The following ETS1 variants were observed in gnomAD, a reference collection of about 807,000 sequenced individuals.
ETS1 encodes ETS proto-oncogene 1, transcription factor.
ETS1 carries 15 observed loss-of-function variants against 58.6 expected under a neutral mutation model. The ratio of observed to expected loss-of-function variants is 0.26; its 90% CI spans 0.17 to 0.39. The LOEUF (loss-of-function observed/expected upper bound fraction) is 0.39, where lower values mean the gene tolerates loss of function less well. Ranked by LOEUF, ETS1 falls within the 10% of genes least tolerant of loss-of-function variation. ETS1 has a pLI of 1.00. For missense variants in ETS1, 417 were observed against 610.5 expected (o/e 0.68, Z 3.34); for synonymous variants, 214 against 218.2 (o/e 0.98, Z 0.17).
intron 3 of ETS1, among the ~76,000 whole-genome samples, chr11:128,521,588 C>T (rs1198056431): frequency 2.0e-5 from 3 of 152,120 alleles, no homozygotes; most frequent in African/African-American, 7.2e-5. Context: ...GGAATAAGGC[C>T]AGAGGGTTCT....
At chr11:128,582,415 GTTA>G (rs1023133859) in intron 1 of ETS1, among the ~76,000 whole-genome samples, 13 of 152,090 alleles carry the variant, frequency 8.5e-5, no homozygotes, top group Non-Finnish European at 1.9e-4. Context: ...AATAATAATT[GTTA>G]TTATTGCTAT....
intron 2 of ETS1, among the ~76,000 whole-genome samples, chr11:128,558,255 G>C (rs981144338): frequency 1.3e-5 from 2 of 152,214 alleles, no homozygotes; most frequent in Admixed American, 1.3e-4. Flanking sequence ...GATGAGCACT[G>C]TGAAAATGTA....
chr11:128,506,551 A>T (rs1423855686), intron 3 of ETS1, among the ~76,000 whole-genome samples: 1 of 152,140 alleles, frequency 6.6e-6, no homozygotes, highest in Admixed American at 6.5e-5. Flanking sequence ...AGGGGGTAGG[A>T]AGGAGTGCAC....
chr11:128,587,344 T>C (rs1399535237), intron 1 of ETS1, 144 bp downstream of exon 1: 5 of 152,178 alleles, frequency 3.3e-5, no homozygotes, highest in Non-Finnish European at 7.4e-5. Context: ...TAAATGGGAA[T>C]ATAGAAAGAC....
chr11:128,520,262 AG>A (rs1863630600), intron 3 of ETS1, among the ~76,000 whole-genome samples: 2 of 152,220 alleles, frequency 1.3e-5, no homozygotes, highest in Non-Finnish European at 2.9e-5. Flanking sequence ...AAATTGCCTC[AG>A]CTGTTCACTG....
chr11:128,585,193 G>GGAAGGAAA (rs1864997736), intron 1 of ETS1, among the ~76,000 whole-genome samples: 1 of 15,674 alleles, frequency 6.4e-5, no homozygotes, highest in Admixed American at 7.5e-4. Context: ...AAAGAAGGAA[G>GGAAGGAAA]GAAAGAAAGA....
At chr11:128,544,863 C>A (rs991109421) in intron 3 of ETS1, among the ~76,000 whole-genome samples, 2 of 152,202 alleles carry the variant, frequency 1.3e-5, no homozygotes, top group Non-Finnish European at 2.9e-5. Context: ...AGCTTCCCCA[C>A]AATTAGTCTC....
chr11:128,517,003 G>A (rs1863543068), intron 3 of ETS1, among the ~76,000 whole-genome samples: 1 of 152,192 alleles, frequency 6.6e-6, no homozygotes, highest in Non-Finnish European at 1.5e-5. Flanking sequence ...AGAGAGCCAA[G>A]GCCATATGGA....
At chr11:128,471,845 C>T (rs1862196576) in intron 8 of ETS1, among the ~76,000 whole-genome samples, 1 of 152,176 alleles carries the variant, frequency 6.6e-6, no homozygotes, top group Non-Finnish European at 1.5e-5. Context: ...AGTCTTTTCT[C>T]AGTAGGATTC....
intron 8 of ETS1, among the ~76,000 whole-genome samples, chr11:128,470,951 G>T (rs1339438646): frequency 6.6e-6 from 1 of 152,204 alleles, no homozygotes; most frequent in Non-Finnish European, 1.5e-5. Context: ...AAACTGCTTT[G>T]CAAGTGAAAG....
intron 1 of ETS1, among the ~76,000 whole-genome samples, chr11:128,575,648 G>A (rs1864730666): frequency 6.6e-6 from 1 of 152,154 alleles, no homozygotes; most frequent in Admixed American, 6.6e-5. Flanking sequence ...GAATCGACAG[G>A]CTCACACATA....
At chr11:128,497,962 A>G (rs1393594649) in intron 3 of ETS1, among the ~76,000 whole-genome samples, 3 of 148,072 alleles carry the variant, frequency 2.0e-5, no homozygotes, top group Non-Finnish European at 4.5e-5. Context: ...CTCCCACCCT[A>G]AACATTGGGC....
At chr11:128,491,260 A>T (rs1166839580) in intron 3 of ETS1, among the ~76,000 whole-genome samples, 5 of 152,250 alleles carry the variant, frequency 3.3e-5, no homozygotes, top group African/African-American at 1.2e-4. Context: ...TTGTGCAAGG[A>T]ATTAAAGAAA....
intron 3 of ETS1, chr11:128,497,594 T>A (rs1565382001): frequency 1.0e-6 from 1 of 984,884 alleles, no homozygotes; most frequent in African/African-American, 1.7e-5. Flanking sequence ...ATGGTTCCAA[T>A]GAGCCCTTGA....
chr11:128,525,399 G>A (rs947089157), intron 3 of ETS1, among the ~76,000 whole-genome samples: 2 of 152,058 alleles, frequency 1.3e-5, no homozygotes, highest in Non-Finnish European at 2.9e-5. Flanking sequence ...TACACTTAAT[G>A]TTGAACAATC....
chr11:128,580,801 T>A (rs1396804811), intron 1 of ETS1, among the ~76,000 whole-genome samples: 1 of 152,174 alleles, frequency 6.6e-6, no homozygotes. Flanking sequence ...TCTTCACAAC[T>A]TCACTATAAT....
chr11:128,550,584 G>A (rs11221346), intron 3 of ETS1, among the ~76,000 whole-genome samples: 1,692 of 152,270 alleles, frequency 0.011, 29 homozygotes, highest in African/African-American at 0.038. Flanking sequence ...GGGATATATG[G>A]CAAGGCTGTT....
intron 1 of ETS1, among the ~76,000 whole-genome samples, chr11:128,576,007 C>G (rs1864739070): frequency 6.6e-6 from 1 of 152,234 alleles, no homozygotes. Flanking sequence ...GTTTTCTCTT[C>G]TCATTGACAG....
At chr11:128,506,467 C>G (rs1480713879) in intron 3 of ETS1, among the ~76,000 whole-genome samples, 1 of 152,150 alleles carries the variant, frequency 6.6e-6, no homozygotes, top group Non-Finnish European at 1.5e-5. Context: ...ACGATGAGTG[C>G]TGGGATCACG....
Sources: allele counts gnomAD v4.1 joint callset (sites outside exome capture counted in the v4.1 genomes callset), GRCh38; gene constraint gnomAD v4.1.1; transcripts MANE v1.5; gene names NCBI Gene and HGNC (gene_info 2026-07-23, HGNC 2026-07-21).